The following ZSCAN5A variants were observed in gnomAD, a reference collection of about 807,000 sequenced individuals.
ZSCAN5A encodes the protein zinc finger and SCAN domain-containing protein 5A.
A neutral mutation model predicts 23.7 loss-of-function variants in ZSCAN5A; 12 were observed. The observed-to-expected ratio is 0.51, with a 90% CI of 0.32 to 0.82. The LOEUF is 0.82. Among genes scored for constraint, ZSCAN5A ranks in the 40% least tolerant of loss-of-function variants. The pLI is 0.03. For synonymous variants in ZSCAN5A, 257 were observed against 239.9 expected (o/e 1.07, Z -0.66); for missense variants, 597 against 617.9 (o/e 0.97, Z 0.36).
intron 2 of ZSCAN5A, among the ~76,000 whole-genome samples, chr19:56,299,145 T>C (rs2040068227): frequency 1.3e-5 from 2 of 152,180 alleles, no homozygotes; most frequent in African/African-American, 4.8e-5. Flanking sequence ...CATTATTTTT[T>C]TTTTGAGACA....
chr19:56,309,757 G>A (rs1280121239), intron 2 of ZSCAN5A, among the ~76,000 whole-genome samples: 1 of 152,220 alleles, frequency 6.6e-6, no homozygotes, highest in Non-Finnish European at 1.5e-5. Context: ...AGGTAGGGGT[G>A]CAACACAAGC....
intron 2 of ZSCAN5A, among the ~76,000 whole-genome samples, chr19:56,311,594 G>T (rs1228999225): frequency 6.6e-6 from 1 of 151,988 alleles, no homozygotes; most frequent in African/African-American, 2.4e-5. Flanking sequence ...TTTACCCCAG[G>T]GATCATTTTA....
In ZSCAN5A at chr19:56,314,781, T is replaced by C. The variant is rs2041264210; in HGVS notation, c.-330A>G. 6.6e-6 allele frequency: 1 copy of C among 152,334 alleles called. No individual in the cohort carries two copies. Among genetic ancestry groups the C allele is most frequent in the Non-Finnish European group, 1.5e-5 (1 of 68,088 alleles). 9.4% of individuals were successfully genotyped at this position (152,334 alleles called of 1,614,324 possible). A position where few individuals can be genotyped will look rare whatever the true frequency, so the allele number is the denominator to read the frequency against. ...ACGAGTCAGGCATCGTGGTAGGACC[T>C]GGCGAGTGGGGCCGGGGAGAGCGGG... is the stretch of plus-strand genomic sequence containing the variant. On this transcript the variant is annotated 5_prime_UTR_variant, in exon 1 of 6. Coordinates refer to ENST00000683990, the MANE Select transcript of ZSCAN5A (RefSeq NM_001322064.3).
chr19:56,346,551 C>T (rs1187918081), intron 2 of ZSCAN5A, among the ~76,000 whole-genome samples: 2 of 151,584 alleles, frequency 1.3e-5, no homozygotes, highest in Non-Finnish European at 2.9e-5. Flanking sequence ...AAAAAAGAAC[C>T]CACAAAAACC....
chr19:56,309,070 G>A (rs2040873527), intron 2 of ZSCAN5A, among the ~76,000 whole-genome samples: 1 of 152,192 alleles, frequency 6.6e-6, no homozygotes, highest in Admixed American at 6.5e-5. Flanking sequence ...CTGATGAAAG[G>A]ATAAACAAAA....
At chr19:56,321,721 T>C in intron 2 of ZSCAN5A, 1 of 1,411,846 alleles carries the variant, frequency 7.1e-7, no homozygotes, top group East Asian at 2.3e-5. Context: ...GGGCTCTTGA[T>C]TTGCTGAGGA....
At position 56,223,761 on chromosome 19, in the gene ZSCAN5A, C is replaced by T; in HGVS notation, c.458G>A (p.Ser153Asn). The change falls in exon 4 of 6, where the codon AGT becomes AAT. Residue 153 changes from serine (S) to asparagine (N), a missense_variant. Coordinates refer to ENST00000683990, the MANE Select transcript of ZSCAN5A (RefSeq NM_001322064.3). ...SDIEMAEAPS[S>N]VRDDLKDVSS... ...CACGTCTTTCAGATCATCTCTGACA[C>T]TGGAGGGGGCTTCAGCCATCTCGAT... is the stretch of plus-strand genomic sequence containing the variant. The T allele has an allele frequency of 6.2e-7, 1 of 1,614,038 alleles. No individual in the cohort carries two copies. Among genetic ancestry groups the T allele is most frequent in the Admixed American group, 1.7e-5 (1 of 60,008 alleles).
intron 2 of ZSCAN5A, among the ~76,000 whole-genome samples, chr19:56,267,572 G>A (rs1477862627): frequency 6.6e-6 from 1 of 152,164 alleles, no homozygotes; most frequent in African/African-American, 2.4e-5. Context: ...GTGGCTAGTG[G>A]CCACCATTCT....
chr19:56,336,881 G>A (rs995108100), intron 2 of ZSCAN5A, among the ~76,000 whole-genome samples: 2 of 152,232 alleles, frequency 1.3e-5, no homozygotes, highest in African/African-American at 4.8e-5. Flanking sequence ...ATCAGCAGCA[G>A]TGGCTGCAGA....
chr19:56,321,511 C>T (rs1019433277), intron 2 of ZSCAN5A: 5 of 726,028 alleles, frequency 6.9e-6, no homozygotes, highest in African/African-American at 5.2e-5. Flanking sequence ...CCATGCACCA[C>T]TCACACGCAC....
chr19:56,253,124 C>T (rs1441741233), intron 2 of ZSCAN5A, among the ~76,000 whole-genome samples: 1 of 152,190 alleles, frequency 6.6e-6, no homozygotes, highest in African/African-American at 2.4e-5. Context: ...CACAGAAGCC[C>T]TGTTCCTTTC....
chr19:56,322,078 T>C, intron 2 of ZSCAN5A: 3 of 767,236 alleles, frequency 3.9e-6, no homozygotes. Flanking sequence ...TCCTCTTTCT[T>C]CTCCTCCCAT....
intron 2 of ZSCAN5A, among the ~76,000 whole-genome samples, chr19:56,335,153 A>G (rs2041523212): frequency 6.6e-6 from 1 of 152,180 alleles, no homozygotes; most frequent in Non-Finnish European, 1.5e-5. Flanking sequence ...AAATGCAATC[A>G]CAAGTATTAA....
chr19:56,344,579 T>C (rs2041616905), intron 2 of ZSCAN5A, among the ~76,000 whole-genome samples: 1 of 150,830 alleles, frequency 6.6e-6, no homozygotes, highest in African/African-American at 2.4e-5. Flanking sequence ...GAGACCATCC[T>C]GGCTAACACG....
chr19:56,245,273 G>T (rs61742742), intron 2 of ZSCAN5A: 169 of 707,636 alleles, frequency 2.4e-4, no homozygotes, highest in Non-Finnish European at 7.6e-5. Context: ...ATCAGATGTC[G>T]AGATGGCTGA....
intron 2 of ZSCAN5A, among the ~76,000 whole-genome samples, chr19:56,325,728 A>G (rs2041426037): frequency 7.0e-6 from 1 of 142,450 alleles, no homozygotes; most frequent in Non-Finnish European, 1.5e-5. Flanking sequence ...TATACTGGTT[A>G]TCTGTTGTTG....
chr19:56,360,393 G>T (rs749181560), intron 2 of ZSCAN5A, among the ~76,000 whole-genome samples: 1 of 152,078 alleles, frequency 6.6e-6, no homozygotes, highest in Non-Finnish European at 1.5e-5. Flanking sequence ...TCTTCAAGGA[G>T]AACTACAAAT....
chr19:56,313,898 A>T (rs774951876), intron 1 of ZSCAN5A, among the ~76,000 whole-genome samples: 1 of 152,240 alleles, frequency 6.6e-6, no homozygotes, highest in Non-Finnish European at 1.5e-5. Context: ...GGGAAGGTAT[A>T]GAAGAGTGTT....
chr19:56,307,607 AATTGTTC>A (rs2040779226), intron 2 of ZSCAN5A, among the ~76,000 whole-genome samples: 1 of 152,094 alleles, frequency 6.6e-6, no homozygotes, highest in Admixed American at 6.5e-5. Context: ...GTTTCCTTTT[AATTGTTC>A]ATACGGAGAA....
Sources: gnomAD v4.1 joint callset for allele counts (sites outside exome capture counted in the v4.1 genomes callset) on GRCh38, gnomAD v4.1.1 for gene constraint, MANE v1.5 for transcripts, NCBI Gene and HGNC (gene_info 2026-07-23, HGNC 2026-07-21) for gene names.